ENAH: variants seen among roughly 807,000 people sequenced by gnomAD.
The protein encoded by ENAH is ENAH actin regulator.
In ENAH, 23 loss-of-function variants were observed where a neutral mutation model predicts 78.7. The observed-to-expected ratio is 0.29, with a 90% CI of 0.21 to 0.41. The LOEUF is 0.41. ENAH is among the 10% of genes least tolerant of loss of function. ENAH has a pLI of 1.00. For missense variants in ENAH, 544 were observed against 691.0 expected, an observed-to-expected ratio of 0.79 and a Z score of 2.39; for synonymous variants, 226 against 241.0, an observed-to-expected ratio of 0.94 and a Z score of 0.58.
rs2096449870 is a variant in ENAH, at chr1:225,519,464, T to C, written c.536A>G (p.Glu179Gly). Reference protein sequence around the residue: ...ERLERERLERERLERERLEQE... With the variant: ...ERLERERLERGRLERERLEQE... ...TTCCAGTCGCTCCCTCTCCAGCCTT[T>C]CCCTTTCTAACCTCTCTCTCTCCAA... The change falls in exon 5 of 14, where the codon GAA (glutamate) becomes GGA (glycine). Residue 179 changes from glutamate to glycine, a missense_variant. Transcript: ENST00000366843. 6.2e-7 allele frequency: 1 copy of C among 1,611,864 alleles called. No individual in the cohort carries two copies. Among genetic ancestry groups the C allele is most frequent in the African/African-American group, 1.3e-5 (1 of 74,870 alleles).
rs541093602 is a variant in ENAH, at chr1:225,490,501, G to A, written c.*7274C>T. 4 of 152,126 alleles carry A rather than the reference G, an allele frequency of 2.6e-5. No individual in the cohort carries two copies. The highest frequency in any genetic ancestry group is 1.3e-4 in the Admixed American group (2 of 15,276). The allele number at this position is 152,126 out of a possible 1,614,324, so 9.4% of individuals were successfully genotyped here. A position where few individuals can be genotyped will look rare whatever the true frequency, so the allele number is the denominator to read the frequency against. The stretch of plus-strand genomic sequence containing the variant: ...GGCAGGAAAATCCCTTTGAACCCAG[G>A]GGGGGGAAGTTGCAGTGAGCCGAGA... On this transcript the variant is annotated 3_prime_UTR_variant, in exon 14 of 14. Coordinates refer to ENST00000366843, the MANE Select transcript of ENAH (RefSeq NM_018212.6).
In ENAH at chr1:225,489,842, A is replaced by C. The variant is rs964208615; in HGVS notation, c.*7933T>G. The C allele has an allele frequency of 6.6e-6, 1 of 152,170 alleles. No individual in the cohort carries two copies. Among genetic ancestry groups the C allele is most frequent in the African/African-American group, 2.4e-5 (1 of 41,366 alleles). The allele number at this position is 152,170 out of a possible 1,614,324, so 9.4% of individuals were successfully genotyped here. On this transcript the variant is annotated 3_prime_UTR_variant, in exon 14 of 14. Transcript: ENST00000366843. ...CGCATGCCTGTAGTCCCAGCTACTA[A>C]GGAGGCTGAGGTAGGAGAATCGCTT...
At chr1:225,564,649 G>C (rs1323992061) in intron 2 of ENAH, among the ~76,000 whole-genome samples, 1 of 151,784 alleles carries the variant, frequency 6.6e-6, no homozygotes, top group African/African-American at 2.4e-5. Flanking sequence ...ATGTTGACCA[G>C]GCTGGTCTTG....
chr1:225,636,867 A>G (rs533824938), intron 1 of ENAH, among the ~76,000 whole-genome samples: 5 of 152,290 alleles, frequency 3.3e-5, no homozygotes, highest in African/African-American at 1.2e-4. Flanking sequence ...TGACACACCA[A>G]AAGAGCTAGT....
intron 3 of ENAH, among the ~76,000 whole-genome samples, chr1:225,533,967 TG>T (rs2096550009): frequency 1.3e-5 from 2 of 152,070 alleles, no homozygotes; most frequent in African/African-American, 4.8e-5. Context: ...AAGGTAATAA[TG>T]GGGGGAAATC....
At chr1:225,507,922 A>G in intron 11 of ENAH, 29 bp downstream of exon 11, 1 of 1,467,426 alleles carries the variant, frequency 6.8e-7, no homozygotes, top group Non-Finnish European at 9.2e-7. Context: ...TACAAATAAA[A>G]TATAAAACTT....
chr1:225,520,914 AAGGGAGGAAGGG>A lies in ENAH; in HGVS notation c.435-1361_435-1350del, dbSNP rs1378802723. Among the ~76,000 whole-genome samples the A allele has an allele frequency of 3.8e-4, 35 of 91,010 alleles. 2 individuals are homozygous for A. Among genetic ancestry groups the A allele is most frequent in the African/African-American group, 1.3e-3 (33 of 24,950 alleles). The allele number at this position is 91,010 out of a possible 152,430, so 59.7% of individuals were successfully genotyped here. On this transcript the variant is annotated intron_variant, in intron 4 of 13. Coordinates refer to ENST00000366843, the MANE Select transcript of ENAH (RefSeq NM_018212.6). ...GGGAAGGAAGAAAAAGAAGGGAAGG[AAGGGAGGAAGGG>A]AGGGAGGGAGGGAGGGAGGGAGGGA...
In ENAH at chr1:225,623,745, C is replaced by T. The variant is rs529999033; in HGVS notation, c.5+28941G>A. Among the ~76,000 whole-genome samples, 3 of 152,208 alleles carry T rather than the reference C, an allele frequency of 2.0e-5. No individual in the cohort carries two copies. The South Asian group carries it at 6.2e-4, about 32-fold the overall frequency. On this transcript the variant is annotated intron_variant, in intron 1 of 13. Coordinates refer to ENST00000366843, the MANE Select transcript of ENAH (RefSeq NM_018212.6). ...GGATTACAGGCGCCTGCCACCACGC[C>T]CGGCTAATTTTTTTCTTGTATTTTT...
intron 1 of ENAH, among the ~76,000 whole-genome samples, chr1:225,612,343 A>G (rs987321975): frequency 4.6e-5 from 7 of 152,244 alleles, no homozygotes; most frequent in East Asian, 1.9e-4. Flanking sequence ...CATGTACTAT[A>G]TAATTCCATT....
In ENAH at chr1:225,493,907, T is replaced by C. The variant is rs1054786034; in HGVS notation, c.*3868A>G. On this transcript the variant is annotated 3_prime_UTR_variant, in exon 14 of 14. Coordinates refer to ENST00000366843, the MANE Select transcript of ENAH (RefSeq NM_018212.6). The stretch of plus-strand genomic sequence containing the variant: ...ATTCTTCACAATGGCACTGAAAGTA[T>C]ATATAAATTTACAAGAGACATAAAA... 2 of 152,074 alleles carry C rather than the reference T, an allele frequency of 1.3e-5. No individual in the cohort carries two copies. Among genetic ancestry groups the C allele is most frequent in the Admixed American group, 6.6e-5 (1 of 15,260 alleles). 9.4% of individuals were successfully genotyped at this position (152,074 alleles called of 1,614,324 possible). A position where few individuals can be genotyped will look rare whatever the true frequency, so the allele number is the denominator to read the frequency against.
intron 1 of ENAH, among the ~76,000 whole-genome samples, chr1:225,623,563 C>T (rs955009538): frequency 6.7e-6 from 1 of 150,018 alleles, no homozygotes; most frequent in South Asian, 2.1e-4. Context: ...ACATAGTACC[C>T]GACAAGTAGT....
intron 1 of ENAH, among the ~76,000 whole-genome samples, chr1:225,604,428 A>G (rs1157621550): frequency 6.6e-6 from 1 of 152,134 alleles, no homozygotes; most frequent in African/African-American, 2.4e-5. Flanking sequence ...CCAGACAGCT[A>G]TTAAACAAAG....
chr1:225,491,784 T>G lies in ENAH; in HGVS notation c.*5991A>C, dbSNP rs1204074328. ...ATTCAAAGTACCAACTATTCAATTC[T>G]CGATTTTCTAAGCCTTCTTAGAAGA... On this transcript the variant is annotated 3_prime_UTR_variant, in exon 14 of 14. Transcript: ENST00000366843. 6.6e-6 allele frequency: 1 copy of G among 152,214 alleles called. No individual in the cohort carries two copies. The highest frequency in any genetic ancestry group is 1.5e-5 in the Non-Finnish European group (1 of 68,036). 9.4% of individuals were successfully genotyped at this position (152,214 alleles called of 1,614,324 possible).
At chr1:225,607,016 C>G (rs2096959602) in intron 1 of ENAH, among the ~76,000 whole-genome samples, 1 of 152,016 alleles carries the variant, frequency 6.6e-6, no homozygotes, top group South Asian at 2.1e-4. Context: ...AATAGCTCAC[C>G]TTTTCCTCGG....
intron 5 of ENAH, chr1:225,517,702 G>C: frequency 1.9e-6 from 3 of 1,551,246 alleles, no homozygotes; most frequent in Non-Finnish European, 2.6e-6. Context: ...CACAGGAGAA[G>C]AAGGTCGAGA....
chr1:225,518,714 AT>A (rs921086502), intron 5 of ENAH, among the ~76,000 whole-genome samples: 1 of 152,194 alleles, frequency 6.6e-6, no homozygotes, highest in African/African-American at 2.4e-5. Context: ...CTAATTTTTC[AT>A]AATACTAGAA....
chr1:225,528,961 C>T (rs1203401230), intron 4 of ENAH, among the ~76,000 whole-genome samples: 1 of 152,086 alleles, frequency 6.6e-6, no homozygotes, highest in African/African-American at 2.4e-5. Context: ...AAGGATCTGA[C>T]TTCTCAACAA....
At chr1:225,506,316 T>G (rs1266000675) in intron 11 of ENAH, among the ~76,000 whole-genome samples, 1 of 152,188 alleles carries the variant, frequency 6.6e-6, no homozygotes, top group Non-Finnish European at 1.5e-5. Flanking sequence ...GCCTCCCAAG[T>G]AGCTGGCATC....
intron 1 of ENAH, among the ~76,000 whole-genome samples, chr1:225,588,827 G>GAAAAAAAAAAAAAAAAAAAAAA (rs2096860965): frequency 1.5e-5 from 2 of 132,124 alleles, no homozygotes; most frequent in Admixed American, 7.5e-5. Context: ...AAAAAAAAAG[G>GAAAAAAAAAAAAAAAAAAAAAA]AAAAAACTTG....
Sources: gnomAD v4.1 joint callset for allele counts (sites outside exome capture counted in the v4.1 genomes callset) on GRCh38, gnomAD v4.1.1 for gene constraint, MANE v1.5 for transcripts, NCBI Gene and HGNC (gene_info 2026-07-23, HGNC 2026-07-21) for gene names.